Variants in GARRE1 observed in about 807,000 individuals in gnomAD.
GARRE1 encodes granule associated Rac and RHOG effector protein 1.
A neutral mutation model predicts 103.2 loss-of-function variants in GARRE1; 49 were observed. That is an observed-to-expected ratio of 0.47 (90% confidence interval 0.38 to 0.60). The LOEUF (loss-of-function observed/expected upper bound fraction) is 0.60, where lower values mean the gene tolerates loss of function less well. Ranked by LOEUF, GARRE1 falls within the 20% of genes least tolerant of loss-of-function variation. The probability of loss-of-function intolerance (pLI) is 0.00; values close to 1 mark genes in which losing one functional copy is unlikely to be tolerated. For synonymous variants in GARRE1, 505 were observed against 532.8 expected (o/e 0.95, Z 0.72); for missense variants, 1,199 against 1,370.5 (o/e 0.87, Z 1.98).
chr19:34,256,444 C>T (rs2145946895), intron 1 of GARRE1, among the ~76,000 whole-genome samples: 1 of 151,096 alleles, frequency 6.6e-6, no homozygotes. Flanking sequence ...CGCTTGAGCC[C>T]AGGAGGCGAA....
At chr19:34,266,866 A>T (rs1007435604) in intron 1 of GARRE1, among the ~76,000 whole-genome samples, 1 of 152,132 alleles carries the variant, frequency 6.6e-6, no homozygotes, top group Non-Finnish European at 1.5e-5. Flanking sequence ...ACCTATTTAT[A>T]TATAAGCTTC....
chr19:34,319,133 G>T (rs985749445), intron 2 of GARRE1, among the ~76,000 whole-genome samples: 1 of 152,180 alleles, frequency 6.6e-6, no homozygotes, highest in African/African-American at 2.4e-5. Context: ...ATACCAGAAG[G>T]CTGCCAGAGA....
intron 3 of GARRE1, among the ~76,000 whole-genome samples, chr19:34,322,669 C>T (rs2074094553): frequency 6.6e-6 from 1 of 151,346 alleles, no homozygotes; most frequent in Non-Finnish European, 1.5e-5. Flanking sequence ...CTCACTGTAC[C>T]CTCTGCCTCC....
chr19:34,337,052 T>G (rs1249240362), intron 8 of GARRE1, among the ~76,000 whole-genome samples: 4 of 109,328 alleles, frequency 3.7e-5, no homozygotes, highest in Non-Finnish European at 7.1e-5. Flanking sequence ...TTAGTTCTGT[T>G]TTTTTTTTTT....
At chr19:34,259,902 G>A (rs2073704946) in intron 1 of GARRE1, among the ~76,000 whole-genome samples, 1 of 152,184 alleles carries the variant, frequency 6.6e-6, no homozygotes, top group Non-Finnish European at 1.5e-5. Context: ...GGCTTTATAA[G>A]GGGCTTCCCC....
At position 34,285,946 on chromosome 19, in the gene GARRE1, G is replaced by A. The variant is rs185172183; in HGVS notation, c.-795-13733G>A. Among the ~76,000 whole-genome samples, 37 of 152,286 alleles carry A rather than the reference G, an allele frequency of 2.4e-4. No homozygotes were observed. The East Asian group carries it at 6.0e-3, about 25-fold the overall frequency. On this transcript the variant is annotated intron_variant, in intron 1 of 13. Coordinates refer to ENST00000299505, the MANE Select transcript of GARRE1 (RefSeq NM_014686.5). ...CTCTGCTTGGGTAGGAACCCCAGGCGTGACTGTGATACTTGAGCAGTCTTG... is the reference window on the plus strand; with the variant it reads ...CTCTGCTTGGGTAGGAACCCCAGGCATGACTGTGATACTTGAGCAGTCTTG...
intron 1 of GARRE1, among the ~76,000 whole-genome samples, chr19:34,287,220 T>TA (rs886507628): frequency 2.3e-4 from 35 of 151,934 alleles, no homozygotes; most frequent in African/African-American, 8.5e-4. Context: ...CAGTAATCAG[T>TA]ATTTAAATAG....
chr19:34,291,858 C>G (rs971806110), intron 1 of GARRE1, among the ~76,000 whole-genome samples: 19 of 149,030 alleles, frequency 1.3e-4, no homozygotes, highest in African/African-American at 4.3e-4. Context: ...TTCCATAAAT[C>G]TACTTTTTTT....
chr19:34,302,654 A>T (rs1490718602), intron 2 of GARRE1, among the ~76,000 whole-genome samples: 1 of 149,378 alleles, frequency 6.7e-6, no homozygotes, highest in Non-Finnish European at 1.5e-5. Flanking sequence ...TTATAGAATA[A>T]TTTTTCCAAT....
intron 6 of GARRE1, among the ~76,000 whole-genome samples, chr19:34,329,892 A>T (rs1457307572): frequency 1.3e-5 from 2 of 152,154 alleles, no homozygotes; most frequent in Non-Finnish European, 2.9e-5. Flanking sequence ...AGCCTGGGCA[A>T]CATAGCAAGA....
chr19:34,266,122 G>C (rs528465504), intron 1 of GARRE1, among the ~76,000 whole-genome samples: 12 of 152,300 alleles, frequency 7.9e-5, no homozygotes, highest in African/African-American at 2.4e-4. Flanking sequence ...TGGGTTCCTG[G>C]AGCAGTGCTA....
chr19:34,318,579 C>CA (rs2074070587), intron 2 of GARRE1, among the ~76,000 whole-genome samples: 1 of 152,076 alleles, frequency 6.6e-6, no homozygotes, highest in South Asian at 2.1e-4. Flanking sequence ...ATATCTTCCA[C>CA]AAAAAATTAT....
chr19:34,308,128 T>C (rs551393427), intron 2 of GARRE1, among the ~76,000 whole-genome samples: 1 of 151,826 alleles, frequency 6.6e-6, no homozygotes, highest in Non-Finnish European at 1.5e-5. Flanking sequence ...TTATTTTGGA[T>C]AGATATATAC....
chr19:34,313,993 G>T (rs953132500), intron 2 of GARRE1, among the ~76,000 whole-genome samples: 1 of 151,920 alleles, frequency 6.6e-6, no homozygotes, highest in African/African-American at 2.4e-5. Context: ...TAGAGACAGG[G>T]TTTCACCATG....
Position 34,348,119 on chromosome 19 carries a change from C to T in GARRE1, c.2687+77C>T, listed in dbSNP as rs946520322. On this transcript the variant is annotated intron_variant, in intron 11 of 13. Coordinates refer to ENST00000299505, the MANE Select transcript of GARRE1 (RefSeq NM_014686.5). ...GAGGGGCCTGTGAGAAGAGAGGCTC[C>T]TTGCCTGTGTGCATTCTTTTCAGGC... The T allele has an allele frequency of 4.0e-6, 5 of 1,249,058 alleles. No homozygotes were observed. The African/African-American group carries it at 6.2e-5, about 16-fold the overall frequency. The allele number at this position is 1,249,058 out of a possible 1,614,324, so 77.4% of individuals were successfully genotyped here. A position where few individuals can be genotyped will look rare whatever the true frequency, so the allele number is the denominator to read the frequency against.
Position 34,327,844 on chromosome 19 carries a change from A to C in GARRE1, c.920A>C (p.Lys307Thr). 1 of 1,614,218 alleles carries C rather than the reference A, an allele frequency of 6.2e-7. No individual in the cohort carries two copies. ...AAAGCCGGCTTCCACCTGAATCCAA[A>C]GGCGATTGAAGCAAGTTTGCAGGTA... is the stretch of plus-strand genomic sequence containing the variant. Reference protein sequence around the residue: ...AMKAGFHLNPKAIEASLQGCC... With the variant: ...AMKAGFHLNPTAIEASLQGCC... Residue 307 changes from lysine to threonine, a missense_variant, in exon 5 of 14, where the codon AAG (lysine) becomes ACG (threonine). Coordinates refer to ENST00000299505, the MANE Select transcript of GARRE1 (RefSeq NM_014686.5).
intron 1 of GARRE1, among the ~76,000 whole-genome samples, chr19:34,290,095 G>A (rs186611414): frequency 2.0e-5 from 3 of 152,270 alleles, no homozygotes; most frequent in South Asian, 2.1e-4. Flanking sequence ...AGTGGCTGAT[G>A]CCTGTAATTC....
intron 1 of GARRE1, among the ~76,000 whole-genome samples, chr19:34,270,140 C>A (rs1424454520): frequency 6.6e-6 from 1 of 152,260 alleles, no homozygotes; most frequent in Non-Finnish European, 1.5e-5. Flanking sequence ...CCTATTTTTA[C>A]CGCAGTTGCA....
chr19:34,335,495 G>A (rs1014417972), intron 8 of GARRE1, among the ~76,000 whole-genome samples: 1 of 152,218 alleles, frequency 6.6e-6, no homozygotes, highest in African/African-American at 2.4e-5. Flanking sequence ...TAAAATGGTA[G>A]TTGGGTAAGG....
Sources: allele counts gnomAD v4.1 joint callset (sites outside exome capture counted in the v4.1 genomes callset), GRCh38; gene constraint gnomAD v4.1.1; transcripts MANE v1.5; gene names NCBI Gene and HGNC (gene_info 2026-07-23, HGNC 2026-07-21).